ELF5: variants seen among roughly 807,000 people sequenced by gnomAD.
ELF5 encodes E74 like ETS transcription factor 5, also known as ETS-related transcription factor Elf-5.
ELF5 carries 31 observed loss-of-function variants against 38.2 expected under a neutral mutation model. The ratio of observed to expected loss-of-function variants is 0.81; its 90% CI spans 0.61 to 1.10. The LOEUF is 1.10. ELF5 is among the 50% of genes least tolerant of loss of function. The pLI is 0.00. For missense variants in ELF5, 300 were observed against 306.6 expected (o/e 0.98, Z 0.16); for synonymous variants, 121 against 112.5 (o/e 1.08, Z -0.48).
chr11:34,500,373 A>C (rs1278444202), intron 2 of ELF5, among the ~76,000 whole-genome samples: 1 of 152,230 alleles, frequency 6.6e-6, no homozygotes, highest in Non-Finnish European at 1.5e-5. Flanking sequence ...CTGAAATGAT[A>C]AATGGCTTTC....
chr11:34,502,577 C>A (rs1850499498), intron 2 of ELF5, among the ~76,000 whole-genome samples: 1 of 152,228 alleles, frequency 6.6e-6, no homozygotes. Flanking sequence ...CCAGGCAGCT[C>A]CAAGAGAGGT....
At chr11:34,489,478 AG>A (rs925012526) in intron 4 of ELF5, among the ~76,000 whole-genome samples, 3 of 152,172 alleles carry the variant, frequency 2.0e-5, no homozygotes, top group African/African-American at 4.8e-5. Flanking sequence ...AAAGCACCAA[AG>A]ATCCCTTTCC....
At chr11:34,486,292 C>T (rs1043207826) in intron 4 of ELF5, among the ~76,000 whole-genome samples, 1 of 151,988 alleles carries the variant, frequency 6.6e-6, no homozygotes, top group Non-Finnish European at 1.5e-5. Flanking sequence ...ACACCCTCTA[C>T]TGGCATTTCT....
At chr11:34,487,350 G>A (rs964250635) in intron 4 of ELF5, among the ~76,000 whole-genome samples, 1 of 152,134 alleles carries the variant, frequency 6.6e-6, no homozygotes, top group African/African-American at 2.4e-5. Flanking sequence ...GTCTCCATGA[G>A]TTCATGCTCC....
At chr11:34,513,491 A>G (rs2133910716) in intron 1 of ELF5, among the ~76,000 whole-genome samples, 186 bp downstream of exon 1, 1 of 152,356 alleles carries the variant, frequency 6.6e-6, no homozygotes, top group Non-Finnish European at 1.5e-5. Context: ...TGCGGAGGCA[A>G]GCAGGTCTCT....
intron 4 of ELF5, 68 bp from the exon 5 acceptor site, chr11:34,482,567 C>T: frequency 1.6e-6 from 2 of 1,244,916 alleles, no homozygotes; most frequent in East Asian, 2.4e-5. Context: ...AAGTCATACC[C>T]AAATGAGCAA....
chr11:34,511,324 G>A (rs1176422328), intron 1 of ELF5, among the ~76,000 whole-genome samples: 1 of 152,120 alleles, frequency 6.6e-6, no homozygotes, highest in Non-Finnish European at 1.5e-5. Context: ...GATACCTCAG[G>A]ACAACTGGAT....
chr11:34,486,583 T>C (rs1038927582), intron 4 of ELF5, among the ~76,000 whole-genome samples: 1 of 152,186 alleles, frequency 6.6e-6, no homozygotes, highest in Admixed American at 6.5e-5. Flanking sequence ...TGTGTGTGTG[T>C]GCATGTGTGA....
At chr11:34,503,744 G>A (rs1421751139) in intron 2 of ELF5, among the ~76,000 whole-genome samples, 2 of 152,202 alleles carry the variant, frequency 1.3e-5, no homozygotes, top group East Asian at 1.9e-4. Context: ...AAGCCATCAC[G>A]TCCAGCTAAT....
At chr11:34,483,450 G>C (rs960317728) in intron 4 of ELF5, among the ~76,000 whole-genome samples, 1 of 151,840 alleles carries the variant, frequency 6.6e-6, no homozygotes, top group Non-Finnish European at 1.5e-5. Context: ...CAGTATCATC[G>C]AGCAGCCACT....
chr11:34,502,648 G>A (rs1850500706), intron 2 of ELF5, among the ~76,000 whole-genome samples: 1 of 152,248 alleles, frequency 6.6e-6, no homozygotes, highest in Non-Finnish European at 1.5e-5. Context: ...GTGATACTGA[G>A]CTTCCCCTGA....
chr11:34,493,957 C>A (rs990190091), intron 2 of ELF5, among the ~76,000 whole-genome samples: 1 of 152,124 alleles, frequency 6.6e-6, no homozygotes, highest in African/African-American at 2.4e-5. Context: ...AAGAACCAGT[C>A]TTGGTGCTGA....
chr11:34,482,077 C>A (rs1217883285), intron 5 of ELF5, among the ~76,000 whole-genome samples: 1 of 152,182 alleles, frequency 6.6e-6, no homozygotes, highest in Non-Finnish European at 1.5e-5. Flanking sequence ...GGATCTGGCG[C>A]CAGATGGTGG....
intron 2 of ELF5, among the ~76,000 whole-genome samples, chr11:34,494,517 G>T (rs1418748734): frequency 6.6e-6 from 1 of 152,184 alleles, no homozygotes; most frequent in African/African-American, 2.4e-5. Context: ...TCTATCCTGA[G>T]ATCAGAGCCC....
At chr11:34,505,315 C>T (rs868304114) in intron 2 of ELF5, among the ~76,000 whole-genome samples, 100 of 152,158 alleles carry the variant, frequency 6.6e-4, no homozygotes, top group African/African-American at 1.8e-3. Flanking sequence ...TTTCTTTCTA[C>T]TACATTGTTT....
At chr11:34,498,215 C>T (rs1393058503) in intron 2 of ELF5, among the ~76,000 whole-genome samples, 1 of 152,156 alleles carries the variant, frequency 6.6e-6, no homozygotes. Flanking sequence ...TAAATTAATA[C>T]ATGGAAAGTA....
intron 2 of ELF5, among the ~76,000 whole-genome samples, chr11:34,501,610 T>C (rs924514938): frequency 1.6e-4 from 25 of 152,236 alleles, no homozygotes; most frequent in African/African-American, 6.0e-4. Flanking sequence ...CTTGGATACA[T>C]TTTCCAGTAG....
At chr11:34,513,396 G>A (rs1850812901) in intron 1 of ELF5, among the ~76,000 whole-genome samples, 1 of 152,268 alleles carries the variant, frequency 6.6e-6, no homozygotes, top group South Asian at 2.1e-4. Context: ...CTGAGCGCCT[G>A]GGCGCGTTCT....
Position 34,511,462 on chromosome 11 carries a change from A to C in ELF5, c.-5+2215T>G. Reference sequence around the variant, plus strand: ...TCATCATTCTAGCTGCCTAGTAAGTAGGAAAAGCTCAAGAATGATTAACAC... The same window carrying C: ...TCATCATTCTAGCTGCCTAGTAAGTCGGAAAAGCTCAAGAATGATTAACAC... On this transcript the variant is annotated intron_variant, in intron 1 of 6. Coordinates refer to ENST00000257832, the MANE Select transcript of ELF5 (RefSeq NM_001422.4). The C allele has an allele frequency of 1.9e-6, 3 of 1,582,616 alleles. No homozygotes were observed. In the Admixed American group the frequency reaches 5.0e-5, roughly 26 times the overall value.
Sources: gnomAD v4.1 joint callset for allele counts (sites outside exome capture counted in the v4.1 genomes callset) on GRCh38, gnomAD v4.1.1 for gene constraint, MANE v1.5 for transcripts, NCBI Gene and HGNC (gene_info 2026-07-23, HGNC 2026-07-21) for gene names.